The following FNDC8 variants were observed in gnomAD, a reference collection of about 807,000 sequenced individuals.
The protein encoded by FNDC8 is fibronectin type III domain containing 8.
Under a neutral mutation model 24.8 loss-of-function variants are expected in FNDC8, and 23 were observed. That is an observed-to-expected ratio of 0.93 (90% confidence interval 0.67 to 1.31). The LOEUF (loss-of-function observed/expected upper bound fraction) is 1.31, where lower values mean the gene tolerates loss of function less well. Ranked by LOEUF, FNDC8 falls within the 40% of genes most tolerant of loss-of-function variation. FNDC8 has a pLI of 0.00. For synonymous variants in FNDC8, 158 were observed against 165.3 expected, an observed-to-expected ratio of 0.96 and a Z score of 0.34; for missense variants, 371 against 398.2, an observed-to-expected ratio of 0.93 and a Z score of 0.58.
At chr17:35,123,027 G>A (rs1264027916) in intron 1 of FNDC8, among the ~76,000 whole-genome samples, 5 of 152,170 alleles carry the variant, frequency 3.3e-5, no homozygotes, top group Non-Finnish European at 7.3e-5. Flanking sequence ...AGTCTCCAAG[G>A]AAGGAAAGGA....
At chr17:35,125,047 C>CAA (rs60189697) in intron 1 of FNDC8, among the ~76,000 whole-genome samples, 4 of 62,504 alleles carry the variant, frequency 6.4e-5, no homozygotes, top group South Asian at 5.1e-4. Flanking sequence ...GACTCCAGCT[C>CAA]AAAAAAAAAA....
intron 2 of FNDC8, 84 bp downstream of exon 2, chr17:35,127,501 T>G: frequency 7.0e-7 from 1 of 1,426,334 alleles, no homozygotes; most frequent in Non-Finnish European, 9.3e-7. Context: ...AGAAGGTGCC[T>G]GCCACCTGCA....
At chr17:35,124,108 G>T (rs189038901) in intron 1 of FNDC8, among the ~76,000 whole-genome samples, 15 of 152,190 alleles carry the variant, frequency 9.9e-5, no homozygotes, top group African/African-American at 3.1e-4. Flanking sequence ...GGAACCTGGG[G>T]AGGAAAAACT....
rs762728015 is a variant in FNDC8 at position 35,130,411 on chromosome 17, C to G, written c.952C>G (p.Leu318Val). Residue 318 changes from leucine to valine, a missense_variant, in exon 4 of 4, where the codon CTG becomes GTG. Physicochemically the swap from Leu to Val is conservative, Grantham distance 32 (BLOSUM62 1). Transcript: ENST00000158009. ...GGAGGAGATGCGGAGGCTGGAGGAT[C>G]TGGAATACCTATTTCCCTGTTAAGG... Reference protein sequence around the residue: ...GPEEMRRLEDLEYLFPC With the variant: ...GPEEMRRLEDVEYLFPC 4 of 1,614,020 alleles carry G rather than the reference C, an allele frequency of 2.5e-6. No homozygotes were observed. The highest frequency in any genetic ancestry group is 1.7e-5 in the Admixed American group (1 of 60,000).
intron 1 of FNDC8, among the ~76,000 whole-genome samples, chr17:35,126,752 G>A (rs1010807668): frequency 6.6e-5 from 10 of 152,210 alleles, no homozygotes; most frequent in Non-Finnish European, 1.3e-4. Flanking sequence ...TGCCTGCCTC[G>A]GCCTCCCAAA....
rs1165905362 is a variant in FNDC8 at position 35,130,527 on chromosome 17, C to A, written c.*93C>A. On this transcript the variant is annotated 3_prime_UTR_variant, in exon 4 of 4. Coordinates refer to ENST00000158009, the MANE Select transcript of FNDC8 (RefSeq NM_017559.4). ...CATGAGACCTACCATACCACCAGCACCCTGCGGGCCCGGGGTCTGGCAGAG... is the reference window on the plus strand; with the variant it reads ...CATGAGACCTACCATACCACCAGCAACCTGCGGGCCCGGGGTCTGGCAGAG... 1 of 1,349,092 alleles carries A rather than the reference C, an allele frequency of 7.4e-7. No homozygotes were observed. The highest frequency in any genetic ancestry group is 1.4e-5 in the African/African-American group (1 of 69,170). The allele number at this position is 1,349,092 out of a possible 1,614,324, so 83.6% of individuals were successfully genotyped here. A position where few individuals can be genotyped will look rare whatever the true frequency, so the allele number is the denominator to read the frequency against.
At chr17:35,127,997 A>G (rs2091855713) in intron 2 of FNDC8, among the ~76,000 whole-genome samples, 1 of 152,090 alleles carries the variant, frequency 6.6e-6, no homozygotes, top group African/African-American at 2.4e-5. Context: ...GTCGAACAAC[A>G]CCGTCCTACA....
At position 35,129,437 on chromosome 17, in the gene FNDC8, GC is replaced by G. The variant is rs756876563; in HGVS notation, c.603del (p.Leu202TrpfsTer44). The G allele has an allele frequency of 2.2e-5, 35 of 1,613,872 alleles. No homozygotes were observed. The highest frequency in any genetic ancestry group is 1.2e-4 in the South Asian group (11 of 91,066). The part of the protein sequence containing the change: ...NSTAVISWTY[A>X]LGKQPVSFYQ... The stretch of plus-strand genomic sequence containing the variant: ...CTTCCCCTAGATTTCCTGGACCTAC[GC>G]CTTGGGCAAGCAGCCGGTCAGTTTC... On this transcript the variant is annotated frameshift_variant, in exon 3 of 4. Coordinates refer to ENST00000158009, the MANE Select transcript of FNDC8 (RefSeq NM_017559.4). LOFTEE classifies it high-confidence loss of function.
At position 35,127,398 on chromosome 17, in the gene FNDC8, TCAA is replaced by T; in HGVS notation, c.570_572del (p.Asn191del). On this transcript the variant is annotated inframe_deletion, in exon 2 of 4. Transcript: ENST00000158009. ...ACCCCCTTCATCTTTGAGCACACCG[TCAA>T]CAATTCCACAGCTGTGGTGCGTTTC... 2 of 1,556,168 alleles carry T rather than the reference TCAA, an allele frequency of 1.3e-6. No individual in the cohort carries two copies. The highest frequency in any genetic ancestry group is 1.7e-6 in the Non-Finnish European group (2 of 1,151,276).
intron 1 of FNDC8, among the ~76,000 whole-genome samples, chr17:35,126,440 T>C (rs984041597): frequency 6.6e-6 from 1 of 152,090 alleles, no homozygotes; most frequent in African/African-American, 2.4e-5. Flanking sequence ...GGACTTGCCA[T>C]TTTAGCATGT....
In FNDC8 at chr17:35,129,104, C is replaced by T. The variant is rs573981815; in HGVS notation, c.586-318C>T. 3.7e-4 allele frequency: 98 copies of T among 263,776 alleles called. 2 individuals carry two copies. The South Asian group carries it at 6.6e-3, about 18-fold the overall frequency. 16.3% of individuals were successfully genotyped at this position (263,776 alleles called of 1,614,324 possible). A position where few individuals can be genotyped will look rare whatever the true frequency, so the allele number is the denominator to read the frequency against. On this transcript the variant is annotated intron_variant, in intron 2 of 3. Transcript: ENST00000158009. ...CGCTTGCTCGCCCACCAATCTCCTC[C>T]TGCTGTGCTATCCAGTTCCTAACAG... is the stretch of plus-strand genomic sequence containing the variant.
rs557687756 is a variant in FNDC8, at chr17:35,130,344, G to A, written c.885G>A (p.Val295=). ...AGAACTACCCCATCCAGATCACCGTGCGGCGCAAGGAACCCCGGCAAAAGA... is the reference window on the plus strand; with the variant it reads ...AGAACTACCCCATCCAGATCACCGTACGGCGCAAGGAACCCCGGCAAAAGA... ...FPENYPIQIT[V]RRKEPRQKIV... is the part of the protein sequence containing the mutation. Residue 295 remains valine, a synonymous_variant, in exon 4 of 4, where the codon GTG becomes GTA. Transcript: ENST00000158009. 1.2e-6 allele frequency: 2 copies of A among 1,614,138 alleles called. No homozygotes were observed. Among genetic ancestry groups the A allele is most frequent in the Admixed American group, 1.7e-5 (1 of 60,008 alleles).
intron 2 of FNDC8, chr17:35,128,688 T>A (rs1377410967): frequency 6.5e-6 from 1 of 153,606 alleles, no homozygotes; most frequent in Non-Finnish European, 1.4e-5. Flanking sequence ...GGGACTGGTT[T>A]CATGGAAGAT....
intron 1 of FNDC8, among the ~76,000 whole-genome samples, chr17:35,123,593 C>T (rs891794962): frequency 1.3e-5 from 2 of 152,066 alleles, no homozygotes; most frequent in African/African-American, 4.8e-5. Context: ...CAAAAATTAG[C>T]TGGATGTGGT....
Position 35,127,271 on chromosome 17 carries a change from C to T in FNDC8, c.439C>T (p.Gln147Ter). The change falls in exon 2 of 4, where the codon CAG becomes TAG. Residue 147 changes from glutamine to a stop codon, truncating the protein, a stop_gained. Transcript: ENST00000158009. LOFTEE classifies it high-confidence loss of function. ...LGPCPCPSKSQMATRGLLDLD... is the reference protein window; with the variant it reads ...LGPCPCPSKS The stretch of plus-strand genomic sequence containing the variant: ...CCCCTGCCCATGCCCATCGAAGTCC[C>T]AGATGGCCACAAGGGGCCTGCTGGA... The T allele has an allele frequency of 6.2e-7, 1 of 1,614,080 alleles. No individual in the cohort carries two copies. Among genetic ancestry groups the T allele is most frequent in the Non-Finnish European group, 8.5e-7 (1 of 1,179,970 alleles).
At chr17:35,129,986 G>A in intron 3 of FNDC8, 1 of 1,376,828 alleles carries the variant, frequency 7.3e-7, no homozygotes, top group South Asian at 1.7e-5. Context: ...GAAAGAAATA[G>A]GGAAGACAAG....
chr17:35,123,822 C>T (rs2091839516), intron 1 of FNDC8, among the ~76,000 whole-genome samples: 1 of 152,100 alleles, frequency 6.6e-6, no homozygotes, highest in South Asian at 2.1e-4. Flanking sequence ...TAACATCCAT[C>T]CAGCAGAGCT....
rs1470568976 is a variant in FNDC8, at chr17:35,121,911, C to A, written c.209+9C>A. On this transcript the variant is annotated intron_variant, in intron 1 of 3. Coordinates refer to ENST00000158009, the MANE Select transcript of FNDC8 (RefSeq NM_017559.4). ...GATACCATCAACCTACTGTAAGTCA[C>A]AAATCTGGTCCCTCCCTCCCTCCCT... 1.2e-6 allele frequency: 2 copies of A among 1,606,966 alleles called. No homozygotes were observed. Among genetic ancestry groups the A allele is most frequent in the Non-Finnish European group, 1.7e-6 (2 of 1,175,140 alleles).
chr17:35,130,433 A>G lies in FNDC8; in HGVS notation c.974A>G (p.Ter325=). Reference sequence around the variant, plus strand: ...GATCTGGAATACCTATTTCCCTGTTAAGGGGGAGGGCCCCAGGACACCCCT... The same window carrying G: ...GATCTGGAATACCTATTTCCCTGTTGAGGGGGAGGGCCCCAGGACACCCCT... ...LEDLEYLFPC[*] is the part of the protein sequence containing the mutation. Residue 325 remains the stop codon, a stop_retained_variant, in exon 4 of 4, where the codon TAA becomes TGA. Coordinates refer to ENST00000158009, the MANE Select transcript of FNDC8 (RefSeq NM_017559.4). 6.2e-7 allele frequency: 1 copy of G among 1,613,332 alleles called. No individual in the cohort carries two copies. Among genetic ancestry groups the G allele is most frequent in the African/African-American group, 1.3e-5 (1 of 74,990 alleles).
Sources: gnomAD v4.1 joint callset for allele counts (sites outside exome capture counted in the v4.1 genomes callset) on GRCh38, gnomAD v4.1.1 for gene constraint, MANE v1.5 for transcripts, NCBI Gene and HGNC (gene_info 2026-07-23, HGNC 2026-07-21) for gene names.